Variants in TPO observed in about 807,000 individuals in gnomAD.
TPO encodes thyroid peroxidase.
In TPO, 78 loss-of-function variants were observed where a neutral mutation model predicts 96.9. The observed-to-expected ratio is 0.81, with a 90% confidence interval of 0.67 to 0.97. The LOEUF (loss-of-function observed/expected upper bound fraction) is 0.97, where lower values mean the gene tolerates loss of function less well. TPO is among the 50% of genes least tolerant of loss of function. TPO has a pLI of 0.00. For missense variants in TPO, 1,252 were observed against 1,274.8 expected, an observed-to-expected ratio of 0.98 and a Z score of 0.27; for synonymous variants, 547 against 538.0, an observed-to-expected ratio of 1.02 and a Z score of -0.23.
chr2:1,456,603 A>G (rs76234485), intron 7 of TPO, among the ~76,000 whole-genome samples: 2 of 149,758 alleles, frequency 1.3e-5, no homozygotes, highest in Non-Finnish European at 1.5e-5. Flanking sequence ...CATGCATGAT[A>G]GTGTGTGGGC....
At chr2:1,531,029 C>A (rs13393048) in intron 15 of TPO, among the ~76,000 whole-genome samples, 26,626 of 84,378 alleles carry the variant, frequency 0.32, 5,429 homozygotes, top group East Asian at 0.4. Context: ...CTATCTTTCC[C>A]ACTGTGTGCA....
chr2:1,541,958 C>A (rs777887988), intron 16 of TPO: 1 of 200,290 alleles, frequency 5.0e-6, no homozygotes, highest in East Asian at 1.2e-4. Context: ...GCACCTGGCT[C>A]CCACGCATGG....
chr2:1,376,625 C>T (rs1240099688), intron 1 of TPO, among the ~76,000 whole-genome samples: 5 of 152,142 alleles, frequency 3.3e-5, no homozygotes, highest in Non-Finnish European at 7.4e-5. Context: ...ACAGCACCCC[C>T]AGTCCAGTCC....
intron 10 of TPO, 76 bp from the exon 11 acceptor site, chr2:1,493,726 A>G (rs1672037810): frequency 1.3e-6 from 2 of 1,549,594 alleles, no homozygotes; most frequent in Admixed American, 1.7e-5. Context: ...AGTCTCGGGG[A>G]CCATGGCATG....
intron 5 of TPO, 95 bp downstream of exon 5, chr2:1,436,479 T>TA: frequency 2.5e-6 from 4 of 1,570,830 alleles, no homozygotes; most frequent in East Asian, 2.3e-5. Context: ...CACTGGTGGA[T>TA]CTGTATCCAC....
chr2:1,495,064 G>A (rs1672193708), intron 11 of TPO, among the ~76,000 whole-genome samples: 1 of 152,218 alleles, frequency 6.6e-6, no homozygotes, highest in Non-Finnish European at 1.5e-5. Context: ...CCCCATACGT[G>A]TGTCTCCCAT....
At chr2:1,454,677 T>C (rs892445028) in intron 6 of TPO, among the ~76,000 whole-genome samples, 3 of 152,146 alleles carry the variant, frequency 2.0e-5, no homozygotes, top group Admixed American at 2.0e-4. Context: ...TTGGCCTCAG[T>C]TGGACAATCC....
intron 15 of TPO, among the ~76,000 whole-genome samples, chr2:1,520,136 G>A (rs1675099023): frequency 6.6e-6 from 1 of 152,112 alleles, no homozygotes. Flanking sequence ...AAACATCCTG[G>A]ACCAAAACCA....
At chr2:1,464,054 C>T (rs146005033) in intron 7 of TPO, among the ~76,000 whole-genome samples, 1 of 152,162 alleles carries the variant, frequency 6.6e-6, no homozygotes, top group African/African-American at 2.4e-5. Flanking sequence ...CCCTTCCCAC[C>T]CTTTCCCCCT....
intron 15 of TPO, among the ~76,000 whole-genome samples, chr2:1,534,850 C>A (rs72776276): frequency 5.3e-5 from 2 of 37,428 alleles, no homozygotes; most frequent in African/African-American, 1.8e-4. Context: ...CTGTGTGTAA[C>A]CCCCCCAAAT....
intron 5 of TPO, among the ~76,000 whole-genome samples, chr2:1,438,089 G>A (rs1001957788): frequency 2.0e-5 from 3 of 151,930 alleles, no homozygotes; most frequent in East Asian, 2.0e-4. Context: ...GTCAGAAGCC[G>A]GAGCGGAGAT....
At chr2:1,401,791 C>T (rs560381031) in intron 1 of TPO, among the ~76,000 whole-genome samples, 1 of 152,304 alleles carries the variant, frequency 6.6e-6, no homozygotes, top group Non-Finnish European at 1.5e-5. Context: ...CTCTAGCCTG[C>T]AAAGCCACTC....
intron 7 of TPO, among the ~76,000 whole-genome samples, chr2:1,464,480 T>G (rs1283501674): frequency 6.6e-6 from 1 of 152,232 alleles, no homozygotes; most frequent in Non-Finnish European, 1.5e-5. Flanking sequence ...CCACGGTGTT[T>G]TTCCACAGTG....
chr2:1,539,280 G>C (rs1048332792), intron 15 of TPO, among the ~76,000 whole-genome samples: 3 of 152,144 alleles, frequency 2.0e-5, no homozygotes, highest in Non-Finnish European at 4.4e-5. Flanking sequence ...ACTCCTTACA[G>C]ACTTTATGTC....
intron 3 of TPO, among the ~76,000 whole-genome samples, chr2:1,427,927 C>T (rs1336312642): frequency 6.6e-6 from 1 of 152,108 alleles, no homozygotes; most frequent in African/African-American, 2.4e-5. Flanking sequence ...CTGGGCATTA[C>T]TGGGATGACA....
At chr2:1,517,371 C>T (rs1674818092) in intron 15 of TPO, among the ~76,000 whole-genome samples, 1 of 152,216 alleles carries the variant, frequency 6.6e-6, no homozygotes, top group Admixed American at 6.5e-5. Context: ...TTTATTCCCT[C>T]CCTTGAGGGC....
intron 7 of TPO, among the ~76,000 whole-genome samples, chr2:1,467,161 T>C (rs1668975617): frequency 6.6e-6 from 1 of 152,082 alleles, no homozygotes; most frequent in South Asian, 2.1e-4. Flanking sequence ...TGGAGTGTAG[T>C]GGCACAATCT....
At chr2:1,458,692 T>TC (rs1668122499) in intron 7 of TPO, among the ~76,000 whole-genome samples, 1 of 152,202 alleles carries the variant, frequency 6.6e-6, no homozygotes, top group African/African-American at 2.4e-5. Flanking sequence ...CTGCACTTTT[T>TC]CTCATCCTCT....
chr2:1,432,230 T>C (rs1004400293), intron 3 of TPO, among the ~76,000 whole-genome samples: 1 of 152,256 alleles, frequency 6.6e-6, no homozygotes, highest in African/African-American at 2.4e-5. Context: ...GAACTTGATG[T>C]AGTCCTCCCT....
Sources: allele counts gnomAD v4.1 joint callset (sites outside exome capture counted in the v4.1 genomes callset), GRCh38; gene constraint gnomAD v4.1.1; transcripts MANE v1.5; gene names NCBI Gene and HGNC (gene_info 2026-07-23, HGNC 2026-07-21).